The following OR51B5 variants were observed in gnomAD, a reference collection of about 807,000 sequenced individuals.
OR51B5 encodes the protein olfactory receptor family 51 subfamily B member 5.
For missense variants in OR51B5, 456 were observed against 374.6 expected (o/e 1.22, Z -1.79); for synonymous variants, 186 against 144.8 (o/e 1.28, Z -2.04).
At chr11:5,384,311 A>G (rs913531671) in intron 1 of OR51B5, among the ~76,000 whole-genome samples, 11 of 152,190 alleles carry the variant, frequency 7.2e-5, no homozygotes, top group African/African-American at 1.4e-4. Context: ...TGCCAGGATT[A>G]TAAGTGTGAA....
chr11:5,471,001 A>C (rs563670441), intron 1 of OR51B5, among the ~76,000 whole-genome samples: 2 of 152,350 alleles, frequency 1.3e-5, no homozygotes, highest in East Asian at 3.9e-4. Flanking sequence ...TAAAAATTCA[A>C]GTCCTTACCA....
chr11:5,422,493 C>A (rs1335245975), intron 1 of OR51B5: 4 of 1,614,152 alleles, frequency 2.5e-6, no homozygotes, highest in Non-Finnish European at 3.4e-6. Context: ...AGCTCTGAGG[C>A]CTGTTTTGCT....
At chr11:5,423,223 A>G in intron 1 of OR51B5, 2 of 1,435,908 alleles carry the variant, frequency 1.4e-6, no homozygotes, top group Non-Finnish European at 1.8e-6. Context: ...ATTCAGAATT[A>G]GGAAACTATA....
intron 1 of OR51B5, among the ~76,000 whole-genome samples, chr11:5,380,627 G>T (rs1040065220): frequency 6.6e-6 from 1 of 152,128 alleles, no homozygotes; most frequent in Non-Finnish European, 1.5e-5. Context: ...AAGACTAAAG[G>T]CCACACACAT....
At chr11:5,452,223 G>C (rs1385874172) in intron 1 of OR51B5, among the ~76,000 whole-genome samples, 1 of 152,086 alleles carries the variant, frequency 6.6e-6, no homozygotes. Context: ...GATCAAGAGG[G>C]GCCGGGCACG....
chr11:5,417,573 AT>A (rs1276045113), intron 1 of OR51B5, among the ~76,000 whole-genome samples: 6 of 148,788 alleles, frequency 4.0e-5, no homozygotes, highest in African/African-American at 1.5e-4. Flanking sequence ...ACTCAAACAA[AT>A]TTACAAGAAA....
At chr11:5,350,406 T>C (rs931278623) in intron 1 of OR51B5, among the ~76,000 whole-genome samples, 3 of 152,200 alleles carry the variant, frequency 2.0e-5, no homozygotes, top group Non-Finnish European at 4.4e-5. Flanking sequence ...CTTTCAATAG[T>C]ATATGAGATG....
chr11:5,473,513 A>T (rs1851260180), intron 1 of OR51B5, among the ~76,000 whole-genome samples: 1 of 152,236 alleles, frequency 6.6e-6, no homozygotes, highest in Non-Finnish European at 1.5e-5. Context: ...ATCTGCATTT[A>T]TCTTGGCTGA....
rs1458054749 is a variant in OR51B5 at position 5,389,371 on chromosome 11, C to A, written n.85-42461G>T. ...TGAAGAATTAATAACCAGAAATATC[C>A]ATTTATTTTCAGCTCAATCCCCGAG... On this transcript the variant is annotated intron_variant and non_coding_transcript_variant, in intron 1 of 4. Coordinates refer to the OR51B5 transcript ENST00000415970. 6 of 1,597,892 alleles carry A rather than the reference C, an allele frequency of 3.8e-6. No individual in the cohort carries two copies. The African/African-American group carries it at 4.0e-5, about 11-fold the overall frequency.
At chr11:5,398,306 G>C (rs937197597) in intron 1 of OR51B5, among the ~76,000 whole-genome samples, 16 of 152,266 alleles carry the variant, frequency 1.1e-4, no homozygotes, top group African/African-American at 3.9e-4. Context: ...CTATATCTTT[G>C]CTTGTTTCCC....
chr11:5,407,523 T>C lies in OR51B5; in HGVS notation n.85-60613A>G, dbSNP rs144612082. Among the ~76,000 whole-genome samples the C allele has an allele frequency of 1.3e-3, 200 of 152,332 alleles. 1 individual carries two copies. The highest frequency in any genetic ancestry group is 2.4e-3 in the Non-Finnish European group (160 of 67,994). ...TCCATGTGCTTCCCATTTTCATTTT[T>C]TGAAGATTTCTCACCCGCTTTTGAT... On this transcript the variant is annotated intron_variant and non_coding_transcript_variant, in intron 1 of 4. Transcript: ENST00000415970.
rs182684894 is a variant in OR51B5, at chr11:5,365,200, T to C, written n.85-18290A>G. Among the ~76,000 whole-genome samples, 336 of 152,282 alleles carry C rather than the reference T, an allele frequency of 2.2e-3. 3 individuals carry two copies. Among genetic ancestry groups the C allele is most frequent in the African/African-American group, 7.8e-3 (324 of 41,536 alleles). On this transcript the variant is annotated intron_variant and non_coding_transcript_variant, in intron 1 of 4. Coordinates refer to the OR51B5 transcript ENST00000415970. ...TTAGAGTGTAGGGCTGGCAACTGTG[T>C]TTAAAATAAGTTGTCTATTATATCA...
In OR51B5 at chr11:5,489,404, C is replaced by G. The variant is rs534273929; in HGVS notation, n.84+16165G>C. 2.4e-5 allele frequency: 39 copies of G among 1,613,930 alleles called. No homozygotes were observed. In the South Asian group the frequency reaches 4.0e-4, roughly 16 times the overall value. On this transcript the variant is annotated intron_variant and non_coding_transcript_variant, in intron 1 of 4. Transcript: ENST00000415970. Reference sequence around the variant, plus strand: ...CTCCATGCAGTCTTTCATCTTCCATCTCATGATGCCCAGCACAAAGCTCTG... The same window carrying G: ...CTCCATGCAGTCTTTCATCTTCCATGTCATGATGCCCAGCACAAAGCTCTG...
At chr11:5,422,034 G>A in intron 1 of OR51B5, 5 of 601,864 alleles carry the variant, frequency 8.3e-6, no homozygotes, top group Non-Finnish European at 1.2e-5. Context: ...GCTAAGGAAA[G>A]GATATCATAT....
intron 1 of OR51B5, among the ~76,000 whole-genome samples, chr11:5,414,364 A>C (rs1850201198): frequency 7.0e-6 from 1 of 143,452 alleles, no homozygotes; most frequent in South Asian, 2.4e-4. Context: ...CTAGGAAGAA[A>C]CTGCATCAAC....
chr11:5,341,787 C>T (rs1848897497), downstream of OR51B5, among the ~76,000 whole-genome samples: 1 of 152,112 alleles, frequency 6.6e-6, no homozygotes, highest in Non-Finnish European at 1.5e-5. Context: ...TTGGACTAGT[C>T]AGCCAGCGTA....
At chr11:5,372,192 C>T (rs1018614467) in intron 1 of OR51B5, among the ~76,000 whole-genome samples, 17 of 152,132 alleles carry the variant, frequency 1.1e-4, no homozygotes, top group Non-Finnish European at 2.1e-4. Flanking sequence ...TAGATTGTTT[C>T]CATGTCTTGG....
intron 1 of OR51B5, chr11:5,454,272 C>T: frequency 6.2e-7 from 1 of 1,614,200 alleles, no homozygotes; most frequent in Non-Finnish European, 8.5e-7. Flanking sequence ...CTCCACAGTG[C>T]ACCGCTTTGG....
intron 1 of OR51B5, among the ~76,000 whole-genome samples, chr11:5,423,499 A>C (rs975412269): frequency 6.6e-6 from 1 of 152,186 alleles, no homozygotes; most frequent in Non-Finnish European, 1.5e-5. Context: ...AGTTTAAAGG[A>C]AATCCTGTTG....
Sources: allele counts gnomAD v4.1 joint callset (sites outside exome capture counted in the v4.1 genomes callset), GRCh38; gene constraint gnomAD v4.1.1; transcripts MANE v1.5; gene names NCBI Gene and HGNC (gene_info 2026-07-23, HGNC 2026-07-21).